Variants in SZT2 observed in about 807,000 individuals in gnomAD.
SZT2 encodes KICSTOR complex protein SZT2.
A neutral mutation model predicts 404.2 loss-of-function variants in SZT2; 216 were observed. That is an observed-to-expected ratio of 0.53 (90% confidence interval 0.48 to 0.60). The LOEUF (loss-of-function observed/expected upper bound fraction) is 0.60. SZT2 is among the 20% of genes least tolerant of loss of function. The probability of loss-of-function intolerance (pLI) is 0.00; values close to 1 mark genes in which losing one functional copy is unlikely to be tolerated. For synonymous variants in SZT2, 1,693 were observed against 1,749.9 expected, an observed-to-expected ratio of 0.97 and a Z score of 0.81; for missense variants, 3,857 against 4,459.2, an observed-to-expected ratio of 0.86 and a Z score of 3.85.
Position 43,453,646 on chromosome 1 carries a change from G to T in SZT2, c.*3166G>T. On this transcript the variant is annotated 3_prime_UTR_variant, in exon 72 of 72. Transcript: ENST00000634258. ...CGCAGCCCCGCTTCTCGCGCGGCGCGCGCCAGCGCCTCAGGCGTCTCCGCG... is the reference window on the plus strand; with the variant it reads ...CGCAGCCCCGCTTCTCGCGCGGCGCTCGCCAGCGCCTCAGGCGTCTCCGCG... 4 of 1,490,802 alleles carry T rather than the reference G, an allele frequency of 2.7e-6. No homozygotes were observed. The highest frequency in any genetic ancestry group is 3.5e-6 in the Non-Finnish European group (4 of 1,127,610). 92.3% of individuals were successfully genotyped at this position (1,490,802 alleles called of 1,614,324 possible). A position where few individuals can be genotyped will look rare whatever the true frequency, so the allele number is the denominator to read the frequency against.
chr1:43,438,062 C>T, intron 46 of SZT2, 160 bp downstream of exon 46: 1 of 706,584 alleles, frequency 1.4e-6, no homozygotes, highest in South Asian at 1.8e-5. Context: ...GCTGGAGGCT[C>T]CAGACCCTCT....
rs747416633 is a variant in SZT2, at chr1:43,443,361, C to G, written c.8509C>G (p.Leu2837Val). ...TGCCCTGTTTCCCCAGGCTGGAGAG[C>G]TGGAGACCCTGAAGCAGTCATCCCG... ...PATMPISAGE[L>V]ETLKQSSRLV... Residue 2837 changes from leucine to valine, a missense_variant, in exon 61 of 72, where the codon CTG becomes GTG. Leu to Val is a conservative substitution (Grantham distance 32). This residue lies in a region of SZT2 where 717 missense variants were observed against 868.2 expected (regional missense o/e 0.83). Coordinates refer to ENST00000634258, the MANE Select transcript of SZT2 (RefSeq NM_001365999.1). The G allele has an allele frequency of 5.0e-6, 8 of 1,614,200 alleles. No homozygotes were observed. The South Asian group carries it at 8.8e-5, about 18-fold the overall frequency.
chr1:43,444,745 T>C (rs189637648), intron 62 of SZT2, among the ~76,000 whole-genome samples: 176 of 152,300 alleles, frequency 1.2e-3, no homozygotes, highest in South Asian at 0.011. Flanking sequence ...TCTATGTTCC[T>C]CTCCAGATTC....
intron 62 of SZT2, chr1:43,445,491 TCC>T (rs34464308): frequency 0.58 from 160,508 of 277,776 alleles, 47,448 homozygotes; most frequent in Non-Finnish European, 0.62. Context: ...GGAACTGCCA[TCC>T]CCCCCAATCA....
intron 35 of SZT2, 31 bp from the exon 36 acceptor site, chr1:43,431,685 A>C (rs770739386): frequency 6.2e-7 from 1 of 1,611,382 alleles, no homozygotes; most frequent in South Asian, 1.1e-5. Flanking sequence ...AGCAAGGGAG[A>C]TGCCCTTTGT....
Position 43,438,882 on chromosome 1 carries a change from G to A in SZT2, c.6628-47G>A, listed in dbSNP as rs766987090. 23 of 1,613,266 alleles carry A rather than the reference G, an allele frequency of 1.4e-5. No individual in the cohort carries two copies. In the South Asian group the frequency reaches 2.5e-4, roughly 18 times the overall value. On this transcript the variant is annotated intron_variant, in intron 47 of 71. Coordinates refer to ENST00000634258, the MANE Select transcript of SZT2 (RefSeq NM_001365999.1). ...AGCCACAGGTTCCAGGACAGTCTAG[G>A]CTGGAACTTCTGCATTCAGCTCTGC...
At chr1:43,416,682 C>T (rs559039208) in intron 7 of SZT2, 41 bp downstream of exon 7, 2 of 1,496,600 alleles carry the variant, frequency 1.3e-6, no homozygotes, top group African/African-American at 2.7e-5. Flanking sequence ...TATGGAATAT[C>T]TCACACAAAG....
rs757986927 is a variant in SZT2, at chr1:43,453,769, T to G, written c.*3289T>G. On this transcript the variant is annotated 3_prime_UTR_variant, in exon 72 of 72. Coordinates refer to ENST00000634258, the MANE Select transcript of SZT2 (RefSeq NM_001365999.1). ...AGCTCGGGGAATAGCCAGGACAGAT[T>G]GGCGGAGAAGCGCAGCGGCGCCATG... 1 of 1,297,534 alleles carries G rather than the reference T, an allele frequency of 7.7e-7. No individual in the cohort carries two copies. The highest frequency in any genetic ancestry group is 9.7e-7 in the Non-Finnish European group (1 of 1,026,850). The allele number at this position is 1,297,534 out of a possible 1,614,324, so 80.4% of individuals were successfully genotyped here.
intron 1 of SZT2, among the ~76,000 whole-genome samples, chr1:43,397,446 A>G (rs540291114): frequency 6.6e-6 from 1 of 151,620 alleles, no homozygotes; most frequent in East Asian, 2.0e-4. Flanking sequence ...AAAGAAAAGA[A>G]ACAATATGTA....
intron 1 of SZT2, among the ~76,000 whole-genome samples, chr1:43,395,543 C>T (rs1340042131): frequency 1.3e-5 from 2 of 152,176 alleles, no homozygotes; most frequent in Admixed American, 6.5e-5. Flanking sequence ...TCAAGTAATC[C>T]GCCCACTTTG....
chr1:43,447,252 C>G, intron 66 of SZT2, 84 bp downstream of exon 66: 1 of 1,421,516 alleles, frequency 7.0e-7, no homozygotes, highest in Non-Finnish European at 9.6e-7. Context: ...GACCACCTCC[C>G]TGGACAAGTG....
intron 1 of SZT2, chr1:43,394,041 T>C: frequency 1.0e-6 from 1 of 982,144 alleles, no homozygotes; most frequent in Non-Finnish European, 1.2e-6. Context: ...CTTGCCAGAC[T>C]ACTCTGAGAG....
At chr1:43,429,083 C>G (rs1653541633) in intron 28 of SZT2, 1 of 156,464 alleles carries the variant, frequency 6.4e-6, no homozygotes. Context: ...TTTTTGTGCC[C>G]CCCAAATGAA....
intron 62 of SZT2, chr1:43,445,590 G>A (rs963123509): frequency 6.8e-6 from 3 of 438,174 alleles, no homozygotes; most frequent in African/African-American, 2.0e-5. Context: ...ATTGTAGACA[G>A]GCATCACCTT....
chr1:43,437,457 A>G lies in SZT2; in HGVS notation c.6239A>G (p.Lys2080Arg). The G allele has an allele frequency of 6.2e-7, 1 of 1,614,176 alleles. No homozygotes were observed. Among genetic ancestry groups the G allele is most frequent in the African/African-American group, 1.3e-5 (1 of 75,032 alleles). Residue 2080 changes from lysine to arginine, a missense_variant, in exon 44 of 72, where the codon AAA becomes AGA. Lys to Arg is a conservative substitution (Grantham distance 26). Around this residue, in one of 7 missense-constraint regions of SZT2, gnomAD observed 261 missense variants for 372.9 expected, o/e 0.70. Transcript: ENST00000634258. This position sits in a 1 kb window ranked among gnomAD's most constrained non-coding sequence, Gnocchi z 5.3. ...VLNAFSVVNR[K>R]NMFVYQERAT... ...AATGCCTTCTCTGTGGTGAACCGGAAAAACATGTTTGTTTACCAGGAGCGA... is the reference window on the plus strand; with the variant it reads ...AATGCCTTCTCTGTGGTGAACCGGAGAAACATGTTTGTTTACCAGGAGCGA...
chr1:43,420,792 C>T lies in SZT2; in HGVS notation c.1305C>T (p.His435=), dbSNP rs1250903335. 1 of 1,598,342 alleles carries T rather than the reference C, an allele frequency of 6.3e-7. No homozygotes were observed. Among genetic ancestry groups the T allele is most frequent in the East Asian group, 2.2e-5 (1 of 44,892 alleles). ...LEVKLVLLWK[H]NMRIEYVAMA... is the part of the protein sequence containing the mutation. ...TAAAGCTGGTGCTGCTGTGGAAACA[C>T]AACATGCGCATTGAGTATGTGGCTA... Residue 435 remains histidine (H), a synonymous_variant, in exon 10 of 72, where the codon CAC becomes CAT. Transcript: ENST00000634258. This position sits in a 1 kb window ranked among gnomAD's most constrained non-coding sequence, Gnocchi z 5.1.
chr1:43,423,438 A>G, intron 15 of SZT2, 122 bp downstream of exon 15: 1 of 956,976 alleles, frequency 1.0e-6, no homozygotes, highest in South Asian at 1.8e-5. Context: ...TTAGTGGGGT[A>G]TGAGTGGTAC....
At position 43,452,286 on chromosome 1, in the gene SZT2, T is replaced by TCCCTGGGGTACTCGGCCAGCC. The variant is rs1656525381; in HGVS notation, c.*1807_*1827dup. The TCCCTGGGGTACTCGGCCAGCC allele has an allele frequency of 6.2e-6, 10 of 1,614,040 alleles. No individual in the cohort carries two copies. In the East Asian group the frequency reaches 2.2e-4, roughly 36 times the overall value. On this transcript the variant is annotated 3_prime_UTR_variant, in exon 72 of 72. Coordinates refer to ENST00000634258, the MANE Select transcript of SZT2 (RefSeq NM_001365999.1). ...CAGCCTTGACTGCTATTCGATCAGCTCCCTGGGGTACTCGGCCAGCCATCA... is the reference window on the plus strand; with the variant it reads ...CAGCCTTGACTGCTATTCGATCAGCTCCCTGGGGTACTCGGCCAGCCCCCTGGGGTACTCGGCCAGCCATCA...
rs1652240280 is a variant in SZT2 at position 43,420,647 on chromosome 1, A to G, written c.1262-102A>G. Reference sequence around the variant, plus strand: ...TGGAACCATGCTTGGAACCTTTGGCAGGACTGGGTTCCATGAGGTAGGTGG... The same window carrying G: ...TGGAACCATGCTTGGAACCTTTGGCGGGACTGGGTTCCATGAGGTAGGTGG... On this transcript the variant is annotated intron_variant, in intron 9 of 71. Transcript: ENST00000634258. The surrounding 1 kb of genome is among the most constrained non-coding windows in gnomAD (Gnocchi z 5.1). 7.0e-6 allele frequency: 8 copies of G among 1,150,184 alleles called. No homozygotes were observed. Among genetic ancestry groups the G allele is most frequent in the Non-Finnish European group, 8.6e-6 (7 of 816,644 alleles). 71.2% of individuals were successfully genotyped at this position (1,150,184 alleles called of 1,614,324 possible). A position where few individuals can be genotyped will look rare whatever the true frequency, so the allele number is the denominator to read the frequency against.
Sources: allele counts gnomAD v4.1 joint callset (sites outside exome capture counted in the v4.1 genomes callset), GRCh38; gene constraint gnomAD v4.1.1; regional missense constraint gnomAD v4.1.1; non-coding constraint Gnocchi (gnomAD v3.1); transcripts MANE v1.5; gene names NCBI Gene and HGNC (gene_info 2026-07-23, HGNC 2026-07-21).